Variants in PTBP3 observed in about 807,000 individuals in gnomAD.
The protein encoded by PTBP3 is polypyrimidine tract-binding protein 3.
A neutral mutation model predicts 58.7 loss-of-function variants in PTBP3; 20 were observed. The ratio of observed to expected loss-of-function variants is 0.34; its 90% CI spans 0.24 to 0.50. PTBP3 has a LOEUF of 0.50. Ranked by LOEUF, PTBP3 falls within the 20% of genes least tolerant of loss-of-function variation. PTBP3 has a pLI of 0.98. For missense variants in PTBP3, 509 were observed against 637.2 expected (o/e 0.80, Z 2.17); for synonymous variants, 185 against 219.8 (o/e 0.84, Z 1.40).
intron 1 of PTBP3, among the ~76,000 whole-genome samples, chr9:112,314,877 G>A (rs1829638415): frequency 6.7e-6 from 1 of 149,960 alleles, no homozygotes; most frequent in Non-Finnish European, 1.5e-5. Flanking sequence ...TGTCACCCAG[G>A]CTGGAGTGCA....
At chr9:112,313,934 A>G in intron 1 of PTBP3, among the ~76,000 whole-genome samples, 1 of 152,220 alleles carries the variant, frequency 6.6e-6, no homozygotes, top group Non-Finnish European at 1.5e-5. Flanking sequence ...ACATTTGGGA[A>G]AAAAAGTTCC....
chr9:112,359,751 C>T, the PTBP3 span, among the ~76,000 whole-genome samples: 1 of 151,904 alleles, frequency 6.6e-6, no homozygotes, highest in Non-Finnish European at 1.5e-5. Flanking sequence ...TGCCGGGAGG[C>T]GGAGGTTGCC....
chr9:112,259,666 T>C (rs1243373777), intron 5 of PTBP3, among the ~76,000 whole-genome samples: 1 of 152,204 alleles, frequency 6.6e-6, no homozygotes, highest in African/African-American at 2.4e-5. Flanking sequence ...TCCCTTACCA[T>C]GAGCTAAAGG....
the PTBP3 span, among the ~76,000 whole-genome samples, chr9:112,377,187 T>C: frequency 3.9e-5 from 6 of 152,084 alleles, no homozygotes; most frequent in Non-Finnish European, 7.4e-5. Context: ...CTGGGCAACA[T>C]AGTGAGACCC....
intron 1 of PTBP3, among the ~76,000 whole-genome samples, chr9:112,326,701 T>C (rs1311949950): frequency 1.3e-5 from 2 of 152,198 alleles, no homozygotes; most frequent in Admixed American, 6.5e-5. Flanking sequence ...CTCTAATCGC[T>C]ACTACAGTAT....
chr9:112,264,370 T>C (rs755561102), intron 4 of PTBP3, among the ~76,000 whole-genome samples: 2 of 152,184 alleles, frequency 1.3e-5, no homozygotes, highest in Non-Finnish European at 2.9e-5. Flanking sequence ...ATGACTCCTA[T>C]TAACACGACC....
At chr9:112,256,284 TATATATATAC>T (rs1163612883) in intron 5 of PTBP3, among the ~76,000 whole-genome samples, 2 of 58,910 alleles carry the variant, frequency 3.4e-5, no homozygotes, top group African/African-American at 1.6e-4. Context: ...TATATATATA[TATATATATAC>T]ATATATATAT....
rs1441989274 is a variant in PTBP3 at position 112,268,210 on chromosome 9, A to G, written c.205-15T>C. The stretch of plus-strand genomic sequence containing the variant: ...TCTAAGAAAGCCTGCAATAAACACA[A>G]GAAGGTAAAGTTAAAGCTCATCTTT... On this transcript the variant is annotated splice_polypyrimidine_tract_variant and intron_variant, in intron 3 of 13. Coordinates refer to ENST00000374257, the MANE Select transcript of PTBP3 (RefSeq NM_001163788.4). 1 of 1,601,560 alleles carries G rather than the reference A, an allele frequency of 6.2e-7. No homozygotes were observed. The highest frequency in any genetic ancestry group is 1.4e-5 in the African/African-American group (1 of 74,068).
At chr9:112,269,468 G>A (rs778907195) in intron 3 of PTBP3, among the ~76,000 whole-genome samples, 6 of 152,238 alleles carry the variant, frequency 3.9e-5, no homozygotes, top group Middle Eastern at 3.4e-3. Flanking sequence ...TTCAGTAAGA[G>A]TTTTATTATC....
chr9:112,309,607 G>A lies in PTBP3; in HGVS notation c.-51-11691C>T, dbSNP rs185718230. On this transcript the variant is annotated intron_variant, in intron 1 of 13. Transcript: ENST00000374257. ...TTGAGACCAGTCTGGCCAACATGAT[G>A]AAACCCCGTCTCTATTAAAAATACA... Among the ~76,000 whole-genome samples, 11 of 152,192 alleles carry A rather than the reference G, an allele frequency of 7.2e-5. No homozygotes were observed. In the East Asian group the frequency reaches 2.1e-3, roughly 29 times the overall value.
At chr9:112,368,319 C>T in the PTBP3 span, among the ~76,000 whole-genome samples, 7 of 152,242 alleles carry the variant, frequency 4.6e-5, no homozygotes, top group East Asian at 1.9e-4. Context: ...TACAGGCGTG[C>T]GCCACCACAC....
Position 112,229,219 on chromosome 9 carries a change from TTACAA to T in PTBP3, c.1055-752_1055-748del, listed in dbSNP as rs576045708. Among the ~76,000 whole-genome samples the T allele has an allele frequency of 2.4e-3, 363 of 152,304 alleles. 1 individual carries two copies. Among genetic ancestry groups the T allele is most frequent in the African/African-American group, 8.3e-3 (347 of 41,564 alleles). On this transcript the variant is annotated intron_variant, in intron 10 of 13. Transcript: ENST00000374257. ...TCACTCGATTTTTTCATCCAGTGTATTACAATATATTTCAGTTTATGTGCTACAGA... is the reference window on the plus strand; with the variant it reads ...TCACTCGATTTTTTCATCCAGTGTATTATATTTCAGTTTATGTGCTACAGA...
At chr9:112,319,168 G>A (rs1252518131) in intron 1 of PTBP3, among the ~76,000 whole-genome samples, 1 of 146,812 alleles carries the variant, frequency 6.8e-6, no homozygotes, top group Admixed American at 6.8e-5. Context: ...ATTTACAATA[G>A]CTACAAAAAA....
At chr9:112,362,948 G>A in the PTBP3 span, 4 of 260,500 alleles carry the variant, frequency 1.5e-5, no homozygotes, top group Non-Finnish European at 2.3e-5. Flanking sequence ...TTTCTGGTAC[G>A]CATTGTCAAG....
At chr9:112,342,550 T>G in the PTBP3 span, among the ~76,000 whole-genome samples, 1 of 152,144 alleles carries the variant, frequency 6.6e-6, no homozygotes. Context: ...AACCCATCTC[T>G]GCTAAATATA....
chr9:112,254,886 GAAAACAGGGACTC>G (rs923830104), intron 5 of PTBP3, among the ~76,000 whole-genome samples: 1 of 152,002 alleles, frequency 6.6e-6, no homozygotes, highest in Non-Finnish European at 1.5e-5. Context: ...CCAAAAAATT[GAAAACAGGGACTC>G]AAAGAGATAT....
intron 7 of PTBP3, among the ~76,000 whole-genome samples, chr9:112,248,561 G>A (rs1022972125): frequency 2.6e-5 from 4 of 152,130 alleles, no homozygotes; most frequent in Non-Finnish European, 4.4e-5. Context: ...AACCTCATTA[G>A]TAATTAGGAA....
chr9:112,235,264 T>C (rs934383174), intron 7 of PTBP3, among the ~76,000 whole-genome samples: 1 of 152,188 alleles, frequency 6.6e-6, no homozygotes, highest in African/African-American at 2.4e-5. Flanking sequence ...GTTAAAATCC[T>C]TGCCTTTGAG....
intron 1 of PTBP3, among the ~76,000 whole-genome samples, chr9:112,329,685 C>T (rs73545882): frequency 0.046 from 6,966 of 152,102 alleles, 388 homozygotes; most frequent in African/African-American, 0.14. Flanking sequence ...TGATTACCTA[C>T]CTTGAAGGAT....
Sources: gnomAD v4.1 joint callset for allele counts (sites outside exome capture counted in the v4.1 genomes callset) on GRCh38, gnomAD v4.1.1 for gene constraint, MANE v1.5 for transcripts, NCBI Gene and HGNC (gene_info 2026-07-23, HGNC 2026-07-21) for gene names.